MAST4: variants seen among roughly 807,000 people sequenced by gnomAD.
MAST4 encodes the protein microtubule-associated serine/threonine-protein kinase 4.
In MAST4, 89 loss-of-function variants were observed where a neutral mutation model predicts 162.7. That is an observed-to-expected ratio of 0.55 (90% CI 0.46 to 0.65). MAST4 has a LOEUF of 0.65. Ranked by LOEUF, MAST4 falls within the 30% of genes least tolerant of loss-of-function variation. MAST4 has a pLI of 0.00. For synonymous variants in MAST4, 1,479 were observed against 1,361.1 expected (o/e 1.09, Z -1.91); for missense variants, 3,153 against 3,374.0 (o/e 0.93, Z 1.62).
chr5:66,919,046 T>C lies in MAST4; in HGVS notation c.674+19064T>C, dbSNP rs562494559. On this transcript the variant is annotated intron_variant, in intron 4 of 28. Coordinates refer to ENST00000403625, the MANE Select transcript of MAST4 (RefSeq NM_001164664.2). ...TAAATCTGGGAGGCGGAGGTTGCAG[T>C]GAGCCAAGATCACACCACTGCACTC... Among the ~76,000 whole-genome samples, 138 of 149,156 alleles carry C rather than the reference T, an allele frequency of 9.3e-4. 1 individual carries two copies. Among genetic ancestry groups the C allele is most frequent in the African/African-American group, 3.4e-3 (135 of 40,188 alleles).
chr5:66,658,251 A>G (rs1318543070), intron 1 of MAST4, among the ~76,000 whole-genome samples: 1 of 152,254 alleles, frequency 6.6e-6, no homozygotes, highest in Non-Finnish European at 1.5e-5. Context: ...GCTTTTAGGC[A>G]TAATTATGGA....
At chr5:66,791,794 A>G (rs2149680742) in intron 3 of MAST4, among the ~76,000 whole-genome samples, 2 of 152,296 alleles carry the variant, frequency 1.3e-5, no homozygotes, top group South Asian at 4.1e-4. Context: ...CAGAGAGTTC[A>G]TTAGTTCCTA....
At chr5:66,932,853 C>A (rs779077590) in intron 4 of MAST4, among the ~76,000 whole-genome samples, 5 of 152,102 alleles carry the variant, frequency 3.3e-5, no homozygotes, top group Non-Finnish European at 5.9e-5. Flanking sequence ...GCAATTAAAT[C>A]TTTTTATTCA....
chr5:66,877,410 G>A (rs1761376414), intron 3 of MAST4, among the ~76,000 whole-genome samples: 1 of 152,212 alleles, frequency 6.6e-6, no homozygotes, highest in Non-Finnish European at 1.5e-5. Context: ...CCATGTTGCA[G>A]ATGAGGAAAC....
At chr5:66,890,366 G>A (rs1762292457) in intron 3 of MAST4, among the ~76,000 whole-genome samples, 1 of 152,152 alleles carries the variant, frequency 6.6e-6, no homozygotes, top group African/African-American at 2.4e-5. Context: ...AAGACAATAT[G>A]TGTACAAATG....
At chr5:66,730,018 G>A (rs1407476774) in intron 1 of MAST4, among the ~76,000 whole-genome samples, 1 of 152,124 alleles carries the variant, frequency 6.6e-6, no homozygotes, top group Admixed American at 6.6e-5. Flanking sequence ...TGACCAATAC[G>A]AATGGGATTA....
At chr5:66,969,948 C>A (rs1488146145) in intron 4 of MAST4, among the ~76,000 whole-genome samples, 1 of 152,144 alleles carries the variant, frequency 6.6e-6, no homozygotes, top group Non-Finnish European at 1.5e-5. Context: ...ACACCAGTTC[C>A]TGTGCTTTTG....
chr5:67,140,491 T>A (rs1770243403), intron 19 of MAST4, among the ~76,000 whole-genome samples: 1 of 152,180 alleles, frequency 6.6e-6, no homozygotes, highest in Non-Finnish European at 1.5e-5. Context: ...TATTGGCAGT[T>A]CTGAATCTGT....
chr5:66,972,308 G>A (rs1457984540), intron 4 of MAST4, among the ~76,000 whole-genome samples: 2 of 152,120 alleles, frequency 1.3e-5, no homozygotes, highest in Non-Finnish European at 2.9e-5. Context: ...TGGATTCTTA[G>A]GCTTTTCTAC....
chr5:66,694,077 GGC>G (rs1749235419), intron 1 of MAST4, among the ~76,000 whole-genome samples: 1 of 152,194 alleles, frequency 6.6e-6, no homozygotes, highest in African/African-American at 2.4e-5. Context: ...AATTCACGGT[GGC>G]TGAGACTGGT....
At chr5:66,659,660 C>T (rs1007386261) in intron 1 of MAST4, among the ~76,000 whole-genome samples, 1 of 152,004 alleles carries the variant, frequency 6.6e-6, no homozygotes, top group Non-Finnish European at 1.5e-5. Context: ...GTCATTTGGC[C>T]AACATTGATT....
intron 1 of MAST4, among the ~76,000 whole-genome samples, chr5:66,691,829 G>A (rs775805692): frequency 1.6e-4 from 25 of 152,206 alleles, no homozygotes; most frequent in African/African-American, 2.4e-4. Flanking sequence ...GAATTTTGGC[G>A]GAACACAGAC....
At chr5:66,736,315 ATTT>A (rs150887206) in intron 1 of MAST4, among the ~76,000 whole-genome samples, 3 of 138,952 alleles carry the variant, frequency 2.2e-5, no homozygotes, top group African/African-American at 2.7e-5. Context: ...TAGTGAGGGA[ATTT>A]TTTTTTTTTT....
intron 4 of MAST4, among the ~76,000 whole-genome samples, chr5:66,961,710 A>G (rs139638552): frequency 9.8e-5 from 15 of 152,314 alleles, no homozygotes; most frequent in African/African-American, 3.1e-4. Context: ...GTGTTTCCGC[A>G]TAGAGACTGG....
Position 67,131,955 on chromosome 5 carries a change from T to C in MAST4, c.2093+4T>C. ...ACAGGGATTTGAAACCAGACAAGTATGTACACAAATGAAATATATGTCTTC... is the reference window on the plus strand; with the variant it reads ...ACAGGGATTTGAAACCAGACAAGTACGTACACAAATGAAATATATGTCTTC... On this transcript the variant is annotated splice_donor_region_variant and intron_variant, in intron 16 of 28. Coordinates refer to ENST00000403625, the MANE Select transcript of MAST4 (RefSeq NM_001164664.2). The C allele has an allele frequency of 6.2e-7, 1 of 1,610,466 alleles. No individual in the cohort carries two copies. The highest frequency in any genetic ancestry group is 8.5e-7 in the Non-Finnish European group (1 of 1,178,008).
chr5:67,007,774 A>G (rs1421107290), intron 4 of MAST4, among the ~76,000 whole-genome samples: 3 of 152,170 alleles, frequency 2.0e-5, no homozygotes, highest in African/African-American at 4.8e-5. Context: ...TTATAGTTCA[A>G]TGTGATGCTG....
intron 3 of MAST4, among the ~76,000 whole-genome samples, chr5:66,854,103 G>T (rs767294462): frequency 2.0e-5 from 3 of 151,974 alleles, no homozygotes; most frequent in Non-Finnish European, 2.9e-5. Flanking sequence ...GCCCAGGCTG[G>T]TCTTAACCTC....
rs144819705 is a variant in MAST4, at chr5:66,610,540, C to T, written c.363+13522C>T. 3.8e-3 allele frequency among the ~76,000 whole-genome samples: 575 copies of T among 152,320 alleles called. 1 individual carries two copies. Among genetic ancestry groups the T allele is most frequent in the Admixed American group, 9.4e-3 (144 of 15,304 alleles). Reference sequence around the variant, plus strand: ...CCCCGAGCATCACCAGGGCCCTCTGCCTCTTTGAGCCGCTCCTGCCCCTTG... The same window carrying T: ...CCCCGAGCATCACCAGGGCCCTCTGTCTCTTTGAGCCGCTCCTGCCCCTTG... On this transcript the variant is annotated intron_variant, in intron 1 of 28. Coordinates refer to ENST00000403625, the MANE Select transcript of MAST4 (RefSeq NM_001164664.2).
At chr5:66,865,935 C>T (rs1054486817) in intron 3 of MAST4, among the ~76,000 whole-genome samples, 3 of 151,822 alleles carry the variant, frequency 2.0e-5, no homozygotes, top group Non-Finnish European at 2.9e-5. Flanking sequence ...ATTAACTGGG[C>T]GTGGTGGTGC....
Sources: allele counts gnomAD v4.1 joint callset (sites outside exome capture counted in the v4.1 genomes callset), GRCh38; gene constraint gnomAD v4.1.1; transcripts MANE v1.5; gene names NCBI Gene and HGNC (gene_info 2026-07-23, HGNC 2026-07-21).